Variants in LRP5 observed in about 807,000 individuals in gnomAD.
LRP5 encodes low-density lipoprotein receptor-related protein 5.
Under a neutral mutation model 154.1 loss-of-function variants are expected in LRP5, and 62 were observed. The observed-to-expected ratio is 0.40, with a 90% CI of 0.33 to 0.50. The LOEUF is 0.50. LRP5 is among the 20% of genes least tolerant of loss of function. The pLI, the probability that LRP5 is intolerant of heterozygous loss-of-function variation, is 0.55. For missense variants in LRP5, 1,915 were observed against 2,336.7 expected (o/e 0.82, Z 3.72); for synonymous variants, 966 against 1,011.5 (o/e 0.96, Z 0.85).
intron 5 of LRP5, among the ~76,000 whole-genome samples, chr11:68,385,757 C>A (rs1228126529): frequency 6.6e-6 from 1 of 152,046 alleles, no homozygotes; most frequent in African/African-American, 2.4e-5. Flanking sequence ...GTGTGTCTGG[C>A]CCTGCCTAGG....
At position 68,339,014 on chromosome 11, in the gene LRP5, C is replaced by T. The variant is rs370356165; in HGVS notation, c.92-8833C>T. Among the ~76,000 whole-genome samples, 13 of 151,430 alleles carry T rather than the reference C, an allele frequency of 8.6e-5. No homozygotes were observed. In the East Asian group the frequency reaches 2.2e-3, roughly 25 times the overall value. ...TCAGCCTCCCGAGTAGCTGGGATTA[C>T]AGGCATGTGCCACCACACCTGGCTA... On this transcript the variant is annotated intron_variant, in intron 1 of 22. Transcript: ENST00000294304.
intron 7 of LRP5, among the ~76,000 whole-genome samples, chr11:68,397,972 TTG>T (rs113280059): frequency 0.062 from 8,818 of 142,160 alleles, 260 homozygotes; most frequent in Middle Eastern, 0.13. Flanking sequence ...CTGTGTGTGT[TTG>T]TGTGTGTGTG....
intron 9 of LRP5, 30 bp from the exon 10 acceptor site, chr11:68,409,884 G>T: frequency 1.1e-4 from 156 of 1,374,786 alleles, no homozygotes; most frequent in Non-Finnish European, 1.5e-4. Flanking sequence ...TTCCTAAAAT[G>T]TGGCCCTTTT....
chr11:68,368,530 G>A (rs1591236852), intron 5 of LRP5, among the ~76,000 whole-genome samples: 1 of 152,256 alleles, frequency 6.6e-6, no homozygotes, highest in African/African-American at 2.4e-5. Context: ...CCTACCTTTT[G>A]AGTAAGGGGC....
chr11:68,306,574 G>A, the LRP5 span, among the ~76,000 whole-genome samples: 2 of 152,190 alleles, frequency 1.3e-5, no homozygotes, highest in Admixed American at 6.5e-5. Context: ...AACATTCACA[G>A]GTCCCAGGGA....
intron 5 of LRP5, among the ~76,000 whole-genome samples, chr11:68,376,169 T>C (rs2098637210): frequency 8.1e-6 from 1 of 122,982 alleles, no homozygotes; most frequent in Non-Finnish European, 1.7e-5. Context: ...CTGGCCCTGC[T>C]TCTTTTTTTT....
Position 68,433,838 on chromosome 11 carries a change from G to T in LRP5, c.4000G>T (p.Ala1334Ser). 1 of 1,611,798 alleles carries T rather than the reference G, an allele frequency of 6.2e-7. No individual in the cohort carries two copies. Among genetic ancestry groups the T allele is most frequent in the South Asian group, 1.1e-5 (1 of 90,990 alleles). The change falls in exon 18 of 23, where the codon GCC becomes TCC. Residue 1334 changes from alanine (A) to serine (S), a missense_variant and splice_region_variant. Ala to Ser is a moderately conservative substitution (Grantham distance 99, BLOSUM62 1). Coordinates refer to ENST00000294304, the MANE Select transcript of LRP5 (RefSeq NM_002335.4). ...CCGCTCAGACGAGGCGGACTGTGAC[G>T]GTGAGGCCCTCCCCGTCAAGGCTCT... The part of the protein sequence containing the change: ...QDRSDEADCD[A>S]ICLPNQFRCA...
chr11:68,383,174 G>A (rs1037100056), intron 5 of LRP5, among the ~76,000 whole-genome samples: 22 of 152,116 alleles, frequency 1.4e-4, no homozygotes, highest in Non-Finnish European at 1.9e-4. Flanking sequence ...CACCGCGCCC[G>A]GCCTACTTTA....
intron 3 of LRP5, among the ~76,000 whole-genome samples, chr11:68,358,866 C>T (rs1171266930): frequency 2.6e-5 from 4 of 152,216 alleles, no homozygotes; most frequent in African/African-American, 9.6e-5. Context: ...AGGGATCCTC[C>T]TGGGACGGCA....
Position 68,413,467 on chromosome 11 carries a change from G to C in LRP5, c.2504-222G>C, listed in dbSNP as rs759053487. ...CTGCCTGGGTGGTAATCCTGGCCCT[G>C]CCACTTAGCAACTGTGTGACTGTAG... On this transcript the variant is annotated intron_variant, in intron 11 of 22. Coordinates refer to ENST00000294304, the MANE Select transcript of LRP5 (RefSeq NM_002335.4). The surrounding 1 kb of genome is among the most constrained non-coding windows in gnomAD (Gnocchi z 5.1). Among the ~76,000 whole-genome samples, 1 of 152,198 alleles carries C rather than the reference G, an allele frequency of 6.6e-6. No homozygotes were observed. The highest frequency in any genetic ancestry group is 1.5e-5 in the Non-Finnish European group (1 of 68,030).
intron 3 of LRP5, 54 bp downstream of exon 3, chr11:68,357,901 T>C (rs2098624535): frequency 2.0e-6 from 3 of 1,517,488 alleles, no homozygotes; most frequent in Middle Eastern, 2.2e-4. Context: ...CCCAGGGCTT[T>C]TGAAGGCGTT....
At chr11:68,416,829 T>C (rs1218426197) in intron 13 of LRP5, among the ~76,000 whole-genome samples, 1 of 152,224 alleles carries the variant, frequency 6.6e-6, no homozygotes, top group Non-Finnish European at 1.5e-5. Context: ...CAGGGGTAGT[T>C]GGTACTGGTT....
rs982741682 is a variant in LRP5, at chr11:68,447,566, A to G, written c.4586+1033A>G. ...CACTGTCTCCAGAATGGTCACATCC[A>G]CACTGGGCAGCCCAGTCTCGCTAGT... On this transcript the variant is annotated intron_variant, in intron 22 of 22. Transcript: ENST00000294304. This position sits in a 1 kb window ranked among gnomAD's most constrained non-coding sequence, Gnocchi z 4.3. Among the ~76,000 whole-genome samples the G allele has an allele frequency of 2.0e-4, 31 of 152,068 alleles. No homozygotes were observed. The highest frequency in any genetic ancestry group is 7.2e-4 in the African/African-American group (30 of 41,404).
At chr11:68,419,098 T>C (rs916336190) in intron 13 of LRP5, among the ~76,000 whole-genome samples, 1 of 152,234 alleles carries the variant, frequency 6.6e-6, no homozygotes, top group Non-Finnish European at 1.5e-5. Flanking sequence ...TGATTCTTTA[T>C]TAGGAGTCCC....
At chr11:68,375,404 G>A (rs753562622) in intron 5 of LRP5, among the ~76,000 whole-genome samples, 1 of 152,168 alleles carries the variant, frequency 6.6e-6, no homozygotes, top group Non-Finnish European at 1.5e-5. Context: ...GGAAATGCAC[G>A]ATTTGTTTCT....
chr11:68,404,751 A>T (rs564606089), intron 8 of LRP5, among the ~76,000 whole-genome samples: 2 of 152,190 alleles, frequency 1.3e-5, no homozygotes, highest in South Asian at 4.1e-4. Flanking sequence ...CGGGTGGATC[A>T]TGAGGTCAGG....
intron 1 of LRP5, among the ~76,000 whole-genome samples, chr11:68,315,021 G>C (rs1433418605): frequency 6.6e-6 from 1 of 152,220 alleles, no homozygotes; most frequent in Admixed American, 6.5e-5. Context: ...CACACACACG[G>C]GTGGGGGATG....
At chr11:68,434,392 TCA>T (rs375289404) in intron 18 of LRP5, among the ~76,000 whole-genome samples, 10,798 of 141,454 alleles carry the variant, frequency 0.076, 442 homozygotes, top group Middle Eastern at 0.15. Flanking sequence ...ATTCATTCAT[TCA>T]TTCGAGACAG....
chr11:68,435,615 C>T (rs1471153821), intron 18 of LRP5, among the ~76,000 whole-genome samples: 1 of 152,214 alleles, frequency 6.6e-6, no homozygotes, highest in Non-Finnish European at 1.5e-5. Context: ...CACCAGGCAT[C>T]TGCTCCCATG....
Sources: gnomAD v4.1 joint callset for allele counts (sites outside exome capture counted in the v4.1 genomes callset) on GRCh38, gnomAD v4.1.1 for gene constraint, Gnocchi (gnomAD v3.1) non-coding constraint, MANE v1.5 for transcripts, NCBI Gene and HGNC (gene_info 2026-07-23, HGNC 2026-07-21) for gene names.